The following USP32 variants were observed in gnomAD, a reference collection of about 807,000 sequenced individuals.
USP32 encodes ubiquitin specific peptidase 32, also known as ubiquitin carboxyl-terminal hydrolase 32.
USP32 carries 59 observed loss-of-function variants against 204.8 expected under a neutral mutation model. The ratio of observed to expected loss-of-function variants is 0.29; its 90% CI spans 0.23 to 0.36. USP32 has a LOEUF of 0.36. Among genes scored for constraint, USP32 ranks in the 10% least tolerant of loss-of-function variants. The pLI is 1.00. For missense variants in USP32, 1,160 were observed against 1,946.4 expected (o/e 0.60, Z 7.60); for synonymous variants, 517 against 678.4 (o/e 0.76, Z 3.70).
At chr17:60,413,864 AAAAAAAAAAAAG>A (rs1288541674) in intron 1 of USP32, among the ~76,000 whole-genome samples, 111 of 147,430 alleles carry the variant, frequency 7.5e-4, no homozygotes, top group African/African-American at 2.0e-3. Context: ...TCTGTCTCAA[AAAAAAAAAAAAG>A]AAAAAAAAAA....
At chr17:60,421,618 G>A (rs1246406982) in intron 1 of USP32, 3 of 978,218 alleles carry the variant, frequency 3.1e-6, no homozygotes, top group African/African-American at 3.5e-5. Context: ...CTCGTCGCCG[G>A]GACCCCGCCG....
In USP32 at chr17:60,198,315, A is replaced by G. The variant is rs779460911; in HGVS notation, c.3379T>C (p.Ser1127Pro). ...GGTGGGAGTGGGCTCGCTAACCGGGATACTTGAATCCAAACCGCATCATAT... is the reference window on the plus strand; with the variant it reads ...GGTGGGAGTGGGCTCGCTAACCGGGGTACTTGAATCCAAACCGCATCATAT... ...DLYDAVWIQV[S>P]RLASPLPPQE... The change falls in exon 27 of 34, where the codon TCC (serine) becomes CCC (proline). Residue 1127 changes from serine (S) to proline (P), a missense_variant. Physicochemically the swap from Ser to Pro is moderately conservative, Grantham distance 74 (BLOSUM62 -1). Coordinates refer to ENST00000300896, the MANE Select transcript of USP32 (RefSeq NM_032582.4). 6.2e-7 allele frequency: 1 copy of G among 1,614,194 alleles called. No individual in the cohort carries two copies.
At chr17:60,282,197 G>A (rs574818606) in intron 5 of USP32, among the ~76,000 whole-genome samples, 5 of 152,132 alleles carry the variant, frequency 3.3e-5, no homozygotes, top group Non-Finnish European at 7.3e-5. Flanking sequence ...AAAGCAAACT[G>A]ACTCTTCATG....
At chr17:60,265,359 A>G (rs2086562561) in intron 9 of USP32, 53 bp downstream of exon 9, 1 of 1,256,348 alleles carries the variant, frequency 8.0e-7, no homozygotes, top group Admixed American at 1.9e-5. Context: ...TACATCCCAA[A>G]TGGAGTACAT....
chr17:60,245,780 A>G (rs1411277817), intron 11 of USP32: 1 of 152,216 alleles, frequency 6.6e-6, no homozygotes, highest in Non-Finnish European at 1.5e-5. Context: ...TTCAGTATTT[A>G]AAGACAGATT....
At chr17:60,344,148 A>G (rs1441456605) in intron 2 of USP32, among the ~76,000 whole-genome samples, 1 of 104,644 alleles carries the variant, frequency 9.6e-6, no homozygotes, top group Non-Finnish European at 1.7e-5. Flanking sequence ...TTTTTTTTTG[A>G]GTCAGAGTCT....
intron 1 of USP32, among the ~76,000 whole-genome samples, chr17:60,366,204 G>C (rs911812860): frequency 6.6e-6 from 1 of 151,956 alleles, no homozygotes; most frequent in Non-Finnish European, 1.5e-5. Context: ...TGTCGCCTAG[G>C]CTGGAGTGCA....
intron 14 of USP32, among the ~76,000 whole-genome samples, chr17:60,223,149 T>C (rs956720767): frequency 6.6e-6 from 1 of 152,160 alleles, no homozygotes; most frequent in Non-Finnish European, 1.5e-5. Context: ...AAAAAATTCA[T>C]ACATAGCGTA....
rs548526062 is a variant in USP32, at chr17:60,190,585, C to T, written c.3620G>A (p.Arg1207His). 34 of 1,588,226 alleles carry T rather than the reference C, an allele frequency of 2.1e-5. No homozygotes were observed. The highest frequency in any genetic ancestry group is 8.2e-5 in the African/African-American group (6 of 73,272). ...VDWDPTALHL[R>H]YQTSQERVVD... ...TACCCTTTCCTGGGATGTTTGATAG[C>T]GAAGGTGAAGGGCTGTGGGATCCCA... The change falls in exon 29 of 34, where the codon CGC becomes CAC. Residue 1207 changes from arginine to histidine, a missense_variant. By Grantham distance (29) the Arg-to-His change is conservative. Transcript: ENST00000300896.
At chr17:60,300,479 T>C (rs2087546166) in intron 3 of USP32, among the ~76,000 whole-genome samples, 1 of 152,162 alleles carries the variant, frequency 6.6e-6, no homozygotes, top group Non-Finnish European at 1.5e-5. Context: ...TTAAAGGTAA[T>C]GAATAAGGTG....
At chr17:60,368,090 C>T (rs1213898191) in intron 1 of USP32, among the ~76,000 whole-genome samples, 1 of 152,110 alleles carries the variant, frequency 6.6e-6, no homozygotes, top group Non-Finnish European at 1.5e-5. Context: ...TCCCCACAGA[C>T]ACCAAGGGAC....
chr17:60,291,527 CTGTGTGTGTA>C (rs1411917112), intron 4 of USP32, among the ~76,000 whole-genome samples: 2 of 140,722 alleles, frequency 1.4e-5, no homozygotes, highest in South Asian at 2.2e-4. Flanking sequence ...GCTTCTCTCT[CTGTGTGTGTA>C]TGTGTGTGTG....
intron 1 of USP32, among the ~76,000 whole-genome samples, chr17:60,370,764 CAAAAAAAA>C (rs112650493): frequency 1.4e-5 from 1 of 72,714 alleles, no homozygotes; most frequent in Non-Finnish European, 3.4e-5. Context: ...GCTACTGTCT[CAAAAAAAA>C]AAAAAAAAAA....
chr17:60,363,661 T>G (rs962405053), intron 1 of USP32, among the ~76,000 whole-genome samples: 2 of 151,634 alleles, frequency 1.3e-5, no homozygotes, highest in East Asian at 1.9e-4. Context: ...TAATTTTTTG[T>G]TTTTTTCAGG....
intron 14 of USP32, 98 bp downstream of exon 14, chr17:60,223,313 G>T: frequency 1.0e-6 from 1 of 956,484 alleles, no homozygotes; most frequent in Non-Finnish European, 1.6e-6. Context: ...GTAATTAAAT[G>T]AACCATCAAT....
intron 26 of USP32, among the ~76,000 whole-genome samples, chr17:60,201,211 T>C (rs1302603970): frequency 6.6e-6 from 1 of 152,214 alleles, no homozygotes; most frequent in Admixed American, 6.5e-5. Context: ...CGAGATTCAT[T>C]TATACTCTAT....
exon 1 of USP32, chr17:60,422,335 C>T: frequency 1.2e-6 from 1 of 828,148 alleles, no homozygotes; most frequent in Non-Finnish European, 1.7e-6. Flanking sequence ...CCAAAGTCTT[C>T]GCTCGACCCC....
At position 60,407,695 on chromosome 17, in the gene USP32, T is replaced by C. The variant is rs148775472; in HGVS notation, c.106+14551A>G. Reference sequence around the variant, plus strand: ...TACTCAGGAGGCTGAGGCAGAAGAATTGCTTGAACCCAGGAGGCGGAGGTT... The same window carrying C: ...TACTCAGGAGGCTGAGGCAGAAGAACTGCTTGAACCCAGGAGGCGGAGGTT... On this transcript the variant is annotated intron_variant, in intron 1 of 3. Transcript: ENST00000588898. Among the ~76,000 whole-genome samples, 264 of 150,152 alleles carry C rather than the reference T, an allele frequency of 1.8e-3. 2 individuals are homozygous for C. The highest frequency in any genetic ancestry group is 7.0e-3 in the Middle Eastern group (2 of 286).
intron 1 of USP32, among the ~76,000 whole-genome samples, chr17:60,376,509 A>G (rs1307987304): frequency 6.6e-6 from 1 of 151,704 alleles, no homozygotes; most frequent in Admixed American, 6.6e-5. Flanking sequence ...AATTTTGGGA[A>G]ATTTTCTTTT....
Sources: allele counts gnomAD v4.1 joint callset (sites outside exome capture counted in the v4.1 genomes callset), GRCh38; gene constraint gnomAD v4.1.1; transcripts MANE v1.5; gene names NCBI Gene and HGNC (gene_info 2026-07-23, HGNC 2026-07-21).